The following SCFD1 variants were observed in gnomAD, a reference collection of about 807,000 sequenced individuals.
The protein encoded by SCFD1 is sec1 family domain containing 1.
In SCFD1, 37 loss-of-function variants were observed where a neutral mutation model predicts 103.2. That is an observed-to-expected ratio of 0.36 (90% CI 0.28 to 0.47). The LOEUF (loss-of-function observed/expected upper bound fraction) is 0.47. SCFD1 is among the 20% of genes least tolerant of loss of function. SCFD1 has a pLI of 1.00. For missense variants in SCFD1, 639 were observed against 761.2 expected (o/e 0.84, Z 1.89); for synonymous variants, 264 against 245.0 (o/e 1.08, Z -0.73).
intron 3 of SCFD1, among the ~76,000 whole-genome samples, chr14:30,632,717 T>TA (rs1189057528): frequency 6.6e-6 from 1 of 152,194 alleles, no homozygotes. Context: ...AAGGCTTAAG[T>TA]GATTGTCTCA....
intron 10 of SCFD1, among the ~76,000 whole-genome samples, chr14:30,663,827 C>A (rs753616308): frequency 6.6e-6 from 1 of 152,180 alleles, no homozygotes; most frequent in Non-Finnish European, 1.5e-5. Context: ...CAATTAACTT[C>A]TTTATGCCTC....
chr14:30,704,344 T>A (rs979240433), intron 17 of SCFD1, among the ~76,000 whole-genome samples: 31 of 152,206 alleles, frequency 2.0e-4, no homozygotes, highest in African/African-American at 7.0e-4. Flanking sequence ...CAGCCAGATA[T>A]TTTTTAAAAC....
chr14:30,679,054 G>A (rs1052673952), intron 14 of SCFD1, among the ~76,000 whole-genome samples: 3 of 152,050 alleles, frequency 2.0e-5, no homozygotes, highest in African/African-American at 7.2e-5. Flanking sequence ...TATTTTTATG[G>A]GGAAGATAAG....
chr14:30,707,798 T>C (rs754955864), intron 18 of SCFD1, 192 bp from the exon 19 acceptor site: 1 of 652,938 alleles, frequency 1.5e-6, no homozygotes, highest in Non-Finnish European at 2.8e-6. Flanking sequence ...TACTATTTTA[T>C]TGTTAAATAA....
chr14:30,664,816 G>A (rs1420163390), intron 10 of SCFD1, among the ~76,000 whole-genome samples: 1 of 152,124 alleles, frequency 6.6e-6, no homozygotes, highest in Non-Finnish European at 1.5e-5. Context: ...TCAAATTAAC[G>A]ATATGAAACA....
chr14:30,666,601 A>G (rs532787264), intron 10 of SCFD1, among the ~76,000 whole-genome samples: 41 of 152,278 alleles, frequency 2.7e-4, no homozygotes, highest in African/African-American at 7.7e-4. Flanking sequence ...AAAAAAATCA[A>G]TGAATCCAGG....
In SCFD1 at chr14:30,670,874, A is replaced by G. The variant is rs563080699; in HGVS notation, c.995+479A>G. ...AGTGATAAAACTGCATTAATTTGCC[A>G]TGTGATTTACTGTGGGCAGATATAC... On this transcript the variant is annotated intron_variant, in intron 11 of 24. Transcript: ENST00000458591. Among the ~76,000 whole-genome samples, 504 of 152,214 alleles carry G rather than the reference A, an allele frequency of 3.3e-3. 4 individuals are homozygous for G. Among genetic ancestry groups the G allele is most frequent in the Non-Finnish European group, 5.4e-3 (370 of 67,962 alleles).
intron 15 of SCFD1, among the ~76,000 whole-genome samples, chr14:30,696,244 T>C (rs1890691988): frequency 6.6e-6 from 1 of 152,232 alleles, no homozygotes; most frequent in South Asian, 2.1e-4. Context: ...GCCATAAGTA[T>C]TGCTCACACT....
intron 14 of SCFD1, among the ~76,000 whole-genome samples, chr14:30,679,350 A>C (rs796945683): frequency 5.3e-5 from 8 of 152,192 alleles, no homozygotes; most frequent in Non-Finnish European, 1.2e-4. Flanking sequence ...CTCAGTGAAC[A>C]TGATGGTTTA....
chr14:30,691,981 C>T (rs937186620), intron 14 of SCFD1, among the ~76,000 whole-genome samples: 2 of 141,340 alleles, frequency 1.4e-5, no homozygotes, highest in Non-Finnish European at 3.1e-5. Context: ...GACAGGGTCT[C>T]ACTATGTTTC....
chr14:30,638,656 G>A (rs1884975916), intron 5 of SCFD1, among the ~76,000 whole-genome samples: 1 of 151,996 alleles, frequency 6.6e-6, no homozygotes, highest in Admixed American at 6.6e-5. Context: ...TAGGAAAGAG[G>A]ATCCAAAGTG....
At chr14:30,670,076 T>C in intron 10 of SCFD1, 180 bp from the exon 11 acceptor site, 2 of 542,578 alleles carry the variant, frequency 3.7e-6, no homozygotes, top group Non-Finnish European at 6.4e-6. Context: ...TTAATATACA[T>C]CTAATACTTT....
chr14:30,731,417 A>C (rs1486929402), intron 23 of SCFD1, among the ~76,000 whole-genome samples: 4 of 152,232 alleles, frequency 2.6e-5, no homozygotes, highest in Non-Finnish European at 5.9e-5. Context: ...TGGGGATGGC[A>C]TTGAATCTAT....
chr14:30,630,189 C>T (rs1202905830), intron 2 of SCFD1, among the ~76,000 whole-genome samples: 3 of 151,926 alleles, frequency 2.0e-5, no homozygotes, highest in Non-Finnish European at 4.4e-5. Flanking sequence ...GCTTTAAGAA[C>T]GTATTACTGC....
chr14:30,667,375 T>C (rs1174782200), intron 10 of SCFD1, among the ~76,000 whole-genome samples: 1 of 152,156 alleles, frequency 6.6e-6, no homozygotes, highest in African/African-American at 2.4e-5. Context: ...CTAAAACCTC[T>C]CAATAAATTA....
intron 20 of SCFD1, among the ~76,000 whole-genome samples, chr14:30,717,494 A>G (rs922389471): frequency 1.3e-5 from 2 of 151,844 alleles, no homozygotes; most frequent in Non-Finnish European, 2.9e-5. Flanking sequence ...GAAAGAAAAA[A>G]TTCTGTGATA....
Position 30,735,623 on chromosome 14 carries a change from T to TA in SCFD1, c.*15dup. On this transcript the variant is annotated 3_prime_UTR_variant, in exon 25 of 25. Transcript: ENST00000458591. ...GGACAAAAGTAACACAGAAGAACCTTACTATGATAATCTACTTGGAATGTG... is the reference window on the plus strand; with the variant it reads ...GGACAAAAGTAACACAGAAGAACCTTAACTATGATAATCTACTTGGAATGTG... 1 of 1,579,606 alleles carries TA rather than the reference T, an allele frequency of 6.3e-7. No homozygotes were observed. Among genetic ancestry groups the TA allele is most frequent in the South Asian group, 1.1e-5 (1 of 87,022 alleles).
chr14:30,655,082 GA>G (rs1594620539), intron 10 of SCFD1, among the ~76,000 whole-genome samples: 2 of 152,150 alleles, frequency 1.3e-5, no homozygotes, highest in African/African-American at 4.8e-5. Flanking sequence ...TCTAGTAGGG[GA>G]AACAGGCAAT....
At chr14:30,665,632 T>A (rs766101956) in intron 10 of SCFD1, among the ~76,000 whole-genome samples, 3 of 152,130 alleles carry the variant, frequency 2.0e-5, no homozygotes, top group Non-Finnish European at 4.4e-5. Context: ...ATCAGTGTGC[T>A]GTATTCAGGA....
Sources: gnomAD v4.1 joint callset for allele counts (sites outside exome capture counted in the v4.1 genomes callset) on GRCh38, gnomAD v4.1.1 for gene constraint, MANE v1.5 for transcripts, NCBI Gene and HGNC (gene_info 2026-07-23, HGNC 2026-07-21) for gene names.